PMPCB: variants seen among roughly 807,000 people sequenced by gnomAD.
PMPCB encodes peptidase, mitochondrial processing subunit beta, also known as mitochondrial-processing peptidase subunit beta.
In PMPCB, 46 loss-of-function variants were observed where a neutral mutation model predicts 61.5. The observed-to-expected ratio is 0.75, with a 90% CI of 0.59 to 0.96. The LOEUF is 0.96. PMPCB is among the 40% of genes least tolerant of loss of function. The probability of loss-of-function intolerance (pLI) is 0.00; values close to 1 mark genes in which losing one functional copy is unlikely to be tolerated. For missense variants in PMPCB, 590 were observed against 602.4 expected, an observed-to-expected ratio of 0.98 and a Z score of 0.22; for synonymous variants, 191 against 201.6, an observed-to-expected ratio of 0.95 and a Z score of 0.44.
chr7:103,313,193 C>T lies in PMPCB; in HGVS notation c.*922C>T. ...ACAAGTATTCGCTAAGTGCCCATTT[C>T]AATCTGGGATGTGTCATTTTGAAAA... On this transcript the variant is annotated 3_prime_UTR_variant, in exon 13 of 13. Coordinates refer to ENST00000249269, the MANE Select transcript of PMPCB (RefSeq NM_004279.3). 6.8e-7 allele frequency: 1 copy of T among 1,471,654 alleles called. No individual in the cohort carries two copies. Among genetic ancestry groups the T allele is most frequent in the East Asian group, 2.4e-5 (1 of 41,970 alleles). The allele number at this position is 1,471,654 out of a possible 1,614,324, so 91.2% of individuals were successfully genotyped here.
At chr7:103,310,293 TG>T in intron 8 of PMPCB, 21 bp from the exon 9 acceptor site, 2 of 1,600,016 alleles carry the variant, frequency 1.2e-6, no homozygotes, top group Non-Finnish European at 1.7e-6. Flanking sequence ...AAAATTCTCT[TG>T]GAATTTTTTT....
the PMPCB span, among the ~76,000 whole-genome samples, chr7:103,347,028 T>C: frequency 6.6e-6 from 1 of 152,246 alleles, no homozygotes; most frequent in African/African-American, 2.4e-5. Context: ...ATCGAATTGC[T>C]AGGTGGCATG....
chr7:103,310,673 AATT>A, intron 9 of PMPCB, 198 bp downstream of exon 9: 11 of 273,500 alleles, frequency 4.0e-5, no homozygotes, highest in Non-Finnish European at 6.0e-5. Context: ...TATACTATAG[AATT>A]TTTTTTTTTT....
At chr7:103,324,449 T>G (rs761776761) in intron 12 of PMPCB, 2 of 1,434,368 alleles carry the variant, frequency 1.4e-6, no homozygotes, top group Non-Finnish European at 1.9e-6. Context: ...TTTTAAAAAA[T>G]GACAGCATCA....
At position 103,312,119 on chromosome 7, in the gene PMPCB, A is replaced by G; in HGVS notation, c.1393A>G (p.Ile465Val). The G allele has an allele frequency of 1.2e-6, 2 of 1,614,086 alleles. No individual in the cohort carries two copies. The highest frequency in any genetic ancestry group is 1.7e-6 in the Non-Finnish European group (2 of 1,179,972). The change falls in exon 12 of 13, where the codon ATT becomes GTT. Residue 465 changes from isoleucine (I) to valine (V), a missense_variant. Coordinates refer to ENST00000249269, the MANE Select transcript of PMPCB (RefSeq NM_004279.3). Reference sequence around the variant, plus strand: ...ATACATTTATAATAGGAGTCCAGCTATTGCTGCTGTTGGTAAGCCTGGCTT... The same window carrying G: ...ATACATTTATAATAGGAGTCCAGCTGTTGCTGCTGTTGGTAAGCCTGGCTT... ...TKYIYNRSPA[I>V]AAVGPIKQLP... is the part of the protein sequence containing the mutation.
Position 103,305,383 on chromosome 7 carries a change from C to T in PMPCB, c.736+893C>T, listed in dbSNP as rs183479409. ...GGCAGTCTGAATCTAGACAGCAGTACATTTTAATTGGTTTCCAGTTTTTTA... is the reference window on the plus strand; with the variant it reads ...GGCAGTCTGAATCTAGACAGCAGTATATTTTAATTGGTTTCCAGTTTTTTA... On this transcript the variant is annotated intron_variant, in intron 6 of 12. Transcript: ENST00000249269. Among the ~76,000 whole-genome samples the T allele has an allele frequency of 2.0e-5, 3 of 152,212 alleles. No homozygotes were observed. The East Asian group carries it at 5.8e-4, about 29-fold the overall frequency.
intron 8 of PMPCB, 62 bp downstream of exon 8, chr7:103,309,157 T>C (rs761832294): frequency 3.2e-5 from 43 of 1,354,644 alleles, no homozygotes; most frequent in Non-Finnish European, 4.1e-5. Flanking sequence ...TTCTTAAATA[T>C]AAGTTCTTTG....
rs933348532 is a variant in PMPCB, at chr7:103,297,488, T to G, written c.29T>G (p.Leu10Trp). 2 of 1,569,450 alleles carry G rather than the reference T, an allele frequency of 1.3e-6. No individual in the cohort carries two copies. Among genetic ancestry groups the G allele is most frequent in the African/African-American group, 1.4e-5 (1 of 73,796 alleles). ...GCGGCTGCGGCGGCTCGAGTGGTGTTGTCATCCGCGGCGCGGCGGCGGCTC... is the reference window on the plus strand; with the variant it reads ...GCGGCTGCGGCGGCTCGAGTGGTGTGGTCATCCGCGGCGCGGCGGCGGCTC... MAAAAARVV[L>W]SSAARRRLWG... Residue 10 changes from leucine (L) to tryptophan (W), a missense_variant, in exon 1 of 13, where the codon TTG (leucine) becomes TGG (tryptophan). By Grantham distance (61) the Leu-to-Trp change is moderately conservative. Coordinates refer to ENST00000249269, the MANE Select transcript of PMPCB (RefSeq NM_004279.3).
intron 9 of PMPCB, 38 bp from the exon 10 acceptor site, chr7:103,311,605 A>G (rs753308116): frequency 6.7e-7 from 1 of 1,482,530 alleles, no homozygotes; most frequent in Non-Finnish European, 9.4e-7. Context: ...ATGAAATACA[A>G]CATTTTCCAA....
At chr7:103,324,689 T>G in intron 12 of PMPCB, 1 of 939,366 alleles carries the variant, frequency 1.1e-6, no homozygotes, top group Non-Finnish European at 1.4e-6. Flanking sequence ...CTACAAACTC[T>G]ACAACTCGAA....
chr7:103,344,205 T>C, the PMPCB span: 1 of 295,732 alleles, frequency 3.4e-6, no homozygotes, highest in Non-Finnish European at 6.3e-6. Context: ...CCCAGGCACG[T>C]GGGGTGCTCG....
chr7:103,310,594 A>T lies in PMPCB; in HGVS notation c.1154+119A>T, dbSNP rs764387940. ...TACCTTTTAATTAAGAGACCTAGAT[A>T]AACAGTAGTTGCCATGTTTTCAAAG... On this transcript the variant is annotated intron_variant, in intron 9 of 12. Transcript: ENST00000249269. 1.1e-4 allele frequency: 75 copies of T among 697,318 alleles called. 1 individual carries two copies. Among genetic ancestry groups the T allele is most frequent in the Admixed American group, 3.4e-5 (1 of 29,114 alleles). The allele number at this position is 697,318 out of a possible 1,614,324, so 43.2% of individuals were successfully genotyped here.
chr7:103,327,314 A>T, intron 12 of PMPCB: 1 of 1,255,392 alleles, frequency 8.0e-7, no homozygotes, highest in Non-Finnish European at 1.0e-6. Flanking sequence ...TATTCTCATC[A>T]TTAAATAGAA....
chr7:103,315,823 T>C (rs760375891), downstream of PMPCB: 47 of 1,613,828 alleles, frequency 2.9e-5, no homozygotes, highest in Non-Finnish European at 3.7e-5. Context: ...ATGTTCTTTT[T>C]TGAACTTATC....
chr7:103,313,781 A>T lies in PMPCB; in HGVS notation c.*1510A>T. Reference sequence around the variant, plus strand: ...ACATCTAAGATGTGTGTCAGAAACAAATATGTTTCTTAAGGATGTTAAGTA... The same window carrying T: ...ACATCTAAGATGTGTGTCAGAAACATATATGTTTCTTAAGGATGTTAAGTA... On this transcript the variant is annotated 3_prime_UTR_variant, in exon 13 of 13. Transcript: ENST00000249269. 1 of 984,670 alleles carries T rather than the reference A, an allele frequency of 1.0e-6. No individual in the cohort carries two copies. Among genetic ancestry groups the T allele is most frequent in the Non-Finnish European group, 1.2e-6 (1 of 829,226 alleles). The allele number at this position is 984,670 out of a possible 1,614,324, so 61.0% of individuals were successfully genotyped here.
At chr7:103,344,415 G>C in the PMPCB span, 1 of 831,430 alleles carries the variant, frequency 1.2e-6, no homozygotes, top group South Asian at 1.5e-5. Flanking sequence ...AAAACACGGA[G>C]CAAAAAGGCA....
chr7:103,345,964 A>T, the PMPCB span, among the ~76,000 whole-genome samples: 1 of 151,840 alleles, frequency 6.6e-6, no homozygotes, highest in Admixed American at 6.6e-5. Context: ...AAATTGAACT[A>T]ATCTTCTGCC....
chr7:103,332,153 C>T (rs899510416), downstream of PMPCB, among the ~76,000 whole-genome samples: 3 of 151,876 alleles, frequency 2.0e-5, no homozygotes, highest in African/African-American at 4.8e-5. Flanking sequence ...TACAGGCACC[C>T]GCCACCACGC....
Position 103,311,685 on chromosome 7 carries a change from A to G in PMPCB, c.1197A>G (p.Arg399=). The G allele has an allele frequency of 6.2e-7, 1 of 1,614,130 alleles. No individual in the cohort carries two copies. Among genetic ancestry groups the G allele is most frequent in the East Asian group, 2.2e-5 (1 of 44,874 alleles). ...GTGTCACAGAAAGTGAGGTTGCACG[A>G]GCCAGAAATCTTCTGAAAACAAACA... ...CTSVTESEVA[R]ARNLLKTNML... Residue 399 remains arginine (R), a synonymous_variant, in exon 10 of 13, where the codon CGA becomes CGG. Coordinates refer to ENST00000249269, the MANE Select transcript of PMPCB (RefSeq NM_004279.3).
Sources: gnomAD v4.1 joint callset for allele counts (sites outside exome capture counted in the v4.1 genomes callset) on GRCh38, gnomAD v4.1.1 for gene constraint, MANE v1.5 for transcripts, NCBI Gene and HGNC (gene_info 2026-07-23, HGNC 2026-07-21) for gene names.